The following CRYBG3 variants were observed in gnomAD, a reference collection of about 807,000 sequenced individuals.
The protein encoded by CRYBG3 is very large A-kinase anchor protein.
Under a neutral mutation model 244.2 loss-of-function variants are expected in CRYBG3, and 127 were observed. That is an observed-to-expected ratio of 0.52 (90% CI 0.45 to 0.60). CRYBG3 has a LOEUF of 0.60. CRYBG3 is among the 20% of genes least tolerant of loss of function. CRYBG3 has a pLI of 0.00. For missense variants in CRYBG3, 3,325 were observed against 3,442.5 expected, an observed-to-expected ratio of 0.97 and a Z score of 0.85; for synonymous variants, 1,132 against 1,195.8, an observed-to-expected ratio of 0.95 and a Z score of 1.10.
At chr3:97,927,182 G>T (rs2040049721) in intron 17 of CRYBG3, among the ~76,000 whole-genome samples, 1 of 152,044 alleles carries the variant, frequency 6.6e-6, no homozygotes, top group Non-Finnish European at 1.5e-5. Flanking sequence ...CAAGGCTACA[G>T]TAACCAAAAC....
chr3:97,826,113 G>A (rs916595036), intron 1 of CRYBG3, among the ~76,000 whole-genome samples: 6 of 152,100 alleles, frequency 3.9e-5, no homozygotes. Context: ...GTCCCCCTCT[G>A]CTCCTCTAGG....
At chr3:97,910,080 C>T (rs945404539) in intron 15 of CRYBG3, among the ~76,000 whole-genome samples, 29 of 151,656 alleles carry the variant, frequency 1.9e-4, no homozygotes, top group Non-Finnish European at 3.7e-4. Context: ...GGTCAGGGAC[C>T]CACTTGAGGA....
At position 97,874,773 on chromosome 3, in the gene CRYBG3, A is replaced by C. The variant is rs553715878; in HGVS notation, c.3579A>C (p.Lys1193Asn). 1.3e-6 allele frequency: 2 copies of C among 1,535,936 alleles called. No individual in the cohort carries two copies. Among genetic ancestry groups the C allele is most frequent in the East Asian group, 4.9e-5 (2 of 40,924 alleles). ...CACATGACCAACTTTTGGACCTCAA[A>C]AGTAGTTTACTCAAAAAGGCCGATA... ...RRAHDQLLDLKSSLLKKADTL... is the reference protein window; with the variant it reads ...RRAHDQLLDLNSSLLKKADTL... The change falls in exon 4 of 22, where the codon AAA becomes AAC. Residue 1193 changes from lysine to asparagine, a missense_variant. This residue lies in a region of CRYBG3 where 1,526 missense variants were observed against 1,443.2 expected (regional missense o/e 1.06). Transcript: ENST00000389622.
At chr3:97,830,341 C>G (rs1307516889) in intron 1 of CRYBG3, among the ~76,000 whole-genome samples, 1 of 152,038 alleles carries the variant, frequency 6.6e-6, no homozygotes, top group African/African-American at 2.4e-5. Context: ...ACTTCCAAGA[C>G]CTTTCTCTTG....
intron 1 of CRYBG3, among the ~76,000 whole-genome samples, chr3:97,830,099 A>T (rs1000222715): frequency 6.6e-6 from 1 of 152,164 alleles, no homozygotes; most frequent in African/African-American, 2.4e-5. Flanking sequence ...TTATAAATGG[A>T]AGATTAAATA....
intron 17 of CRYBG3, among the ~76,000 whole-genome samples, chr3:97,916,495 G>A (rs1017765952): frequency 6.6e-6 from 1 of 152,130 alleles, no homozygotes; most frequent in Non-Finnish European, 1.5e-5. Flanking sequence ...TAGTCAATAG[G>A]ATCTGTGCAG....
At chr3:97,835,144 A>G (rs2038714268) in intron 1 of CRYBG3, among the ~76,000 whole-genome samples, 1 of 152,162 alleles carries the variant, frequency 6.6e-6, no homozygotes, top group Non-Finnish European at 1.5e-5. Flanking sequence ...TTGTAAAAAT[A>G]ATTTAAAATA....
intron 1 of CRYBG3, among the ~76,000 whole-genome samples, chr3:97,839,172 G>T (rs1182529771): frequency 1.3e-5 from 2 of 152,042 alleles, no homozygotes; most frequent in Non-Finnish European, 2.9e-5. Context: ...TCCCAAAGGG[G>T]GTTAAATTGT....
rs2039352986 is a variant in CRYBG3, at chr3:97,874,937, C to T, written c.3743C>T (p.Pro1248Leu). The T allele has an allele frequency of 7.2e-6, 11 of 1,535,626 alleles. No individual in the cohort carries two copies. The highest frequency in any genetic ancestry group is 9.6e-6 in the Non-Finnish European group (11 of 1,146,772). Residue 1248 changes from proline (P) to leucine (L), a missense_variant, in exon 4 of 22, where the codon CCA becomes CTA. Physicochemically the swap from Pro to Leu is moderately conservative, Grantham distance 98. Around this residue, in one of 4 missense-constraint regions of CRYBG3, gnomAD observed 1,526 missense variants for 1,443.2 expected, o/e 1.06. Coordinates refer to ENST00000389622, the MANE Select transcript of CRYBG3 (RefSeq NM_153605.4). ...TLKEDISEKNPSEVTLTEIQQ... is the reference protein window; with the variant it reads ...TLKEDISEKNLSEVTLTEIQQ... ...AAAGAAGACATCTCTGAGAAAAACC[C>T]ATCAGAAGTGACACTAACAGAAATA...
rs2038511338 is a variant in CRYBG3, at chr3:97,822,288, A to G, written c.82A>G (p.Lys28Glu). ...FFAPRSPSRD[K>E]EEEEEERPGT... ...CGCTCCCCGAAGTCCTTCCCGGGACAAGGAAGAGGAAGAGGAGGAGAGGCC... is the reference window on the plus strand; with the variant it reads ...CGCTCCCCGAAGTCCTTCCCGGGACGAGGAAGAGGAAGAGGAGGAGAGGCC... The change falls in exon 1 of 22, where the codon AAG becomes GAG. Residue 28 changes from lysine (K) to glutamate (E), a missense_variant. Coordinates refer to ENST00000389622, the MANE Select transcript of CRYBG3 (RefSeq NM_153605.4). 1 of 1,530,666 alleles carries G rather than the reference A, an allele frequency of 6.5e-7. No individual in the cohort carries two copies. The highest frequency in any genetic ancestry group is 8.7e-7 in the Non-Finnish European group (1 of 1,144,682). The allele number at this position is 1,530,666 out of a possible 1,614,324, so 94.8% of individuals were successfully genotyped here. A position where few individuals can be genotyped will look rare whatever the true frequency, so the allele number is the denominator to read the frequency against.
rs1484523937 is a variant in CRYBG3 at position 97,943,605 on chromosome 3, A to C, written c.*291A>C. The stretch of plus-strand genomic sequence containing the variant: ...TTTCCTGAAGTGTTTATTTTCTCTC[A>C]TATCCACCAAACGTGAATCCTGTTC... On this transcript the variant is annotated 3_prime_UTR_variant, in exon 22 of 22. Transcript: ENST00000389622. 3.0e-6 allele frequency: 1 copy of C among 338,192 alleles called. No individual in the cohort carries two copies. The highest frequency in any genetic ancestry group is 5.3e-5 in the Admixed American group (1 of 18,704). 20.9% of individuals were successfully genotyped at this position (338,192 alleles called of 1,614,324 possible).
At chr3:97,884,620 GTTACT>G (rs1185660831) in intron 7 of CRYBG3, among the ~76,000 whole-genome samples, 4 of 151,860 alleles carry the variant, frequency 2.6e-5, no homozygotes, top group African/African-American at 9.7e-5. Context: ...TTGTTTCTAG[GTTACT>G]TTAAAGTGGC....
chr3:97,887,568 A>G (rs1443851376), intron 8 of CRYBG3, among the ~76,000 whole-genome samples: 1 of 152,194 alleles, frequency 6.6e-6, no homozygotes, highest in East Asian at 1.9e-4. Context: ...CCTGACCAAC[A>G]TGGAGAAACC....
At chr3:97,914,598 C>T (rs1287158765) in intron 16 of CRYBG3, among the ~76,000 whole-genome samples, 2 of 152,096 alleles carry the variant, frequency 1.3e-5, no homozygotes, top group African/African-American at 2.4e-5. Flanking sequence ...CAAAATGAGT[C>T]ATCGCTCTGA....
chr3:97,839,193 T>G (rs1476802487), intron 1 of CRYBG3, among the ~76,000 whole-genome samples: 1 of 152,134 alleles, frequency 6.6e-6, no homozygotes, highest in Non-Finnish European at 1.5e-5. Flanking sequence ...GAGCAAACAA[T>G]AGGAACAGAT....
In CRYBG3 at chr3:97,892,922, T is replaced by C. The variant is rs1287178869; in HGVS notation, c.7503T>C (p.Asp2501=). ...GQAKEFSEHI[D]SVPNFLKNNG... ...CTAAAGAGTTTAGTGAACATATAGATTCTGTTCCTAATTTTTTGAAAAATA... is the reference window on the plus strand; with the variant it reads ...CTAAAGAGTTTAGTGAACATATAGACTCTGTTCCTAATTTTTTGAAAAATA... The change falls in exon 11 of 22, where the codon GAT becomes GAC. Residue 2501 remains aspartate, a synonymous_variant. Coordinates refer to ENST00000389622, the MANE Select transcript of CRYBG3 (RefSeq NM_153605.4). 5.7e-6 allele frequency: 9 copies of C among 1,585,642 alleles called. No homozygotes were observed. The East Asian group carries it at 2.0e-4, about 36-fold the overall frequency.
intron 15 of CRYBG3, among the ~76,000 whole-genome samples, chr3:97,910,119 C>T (rs1303861427): frequency 6.6e-6 from 1 of 151,670 alleles, no homozygotes; most frequent in East Asian, 1.9e-4. Flanking sequence ...AGATCTCCAG[C>T]TGCGTGCTGA....
chr3:97,935,381 T>A (rs2040152419), intron 18 of CRYBG3, among the ~76,000 whole-genome samples: 1 of 152,000 alleles, frequency 6.6e-6, no homozygotes, highest in Non-Finnish European at 1.5e-5. Flanking sequence ...CCAGTCTGAT[T>A]GATTAGATTT....
intron 3 of CRYBG3, among the ~76,000 whole-genome samples, chr3:97,866,727 T>C (rs953957304): frequency 1.3e-5 from 2 of 152,224 alleles, no homozygotes; most frequent in African/African-American, 2.4e-5. Context: ...TCTTTGGTAC[T>C]AGTTGATTAA....
Sources: gnomAD v4.1 joint callset for allele counts (sites outside exome capture counted in the v4.1 genomes callset) on GRCh38, gnomAD v4.1.1 for gene constraint, gnomAD v4.1.1 regional missense constraint, MANE v1.5 for transcripts, NCBI Gene and HGNC (gene_info 2026-07-23, HGNC 2026-07-21) for gene names.